Variants in POU2AF1 observed in about 807,000 individuals in gnomAD.
POU2AF1 encodes the protein POU domain class 2-associating factor 1.
In POU2AF1, 12 loss-of-function variants were observed where a neutral mutation model predicts 26.3. The ratio of observed to expected loss-of-function variants is 0.46; its 90% CI spans 0.29 to 0.74. The LOEUF (loss-of-function observed/expected upper bound fraction) is 0.74. Ranked by LOEUF, POU2AF1 falls within the 30% of genes least tolerant of loss-of-function variation. The pLI is 0.09. For synonymous variants in POU2AF1, 175 were observed against 148.0 expected, an observed-to-expected ratio of 1.18 and a Z score of -1.32; for missense variants, 297 against 334.5, an observed-to-expected ratio of 0.89 and a Z score of 0.87.
At chr11:111,359,193 T>C (rs1308599717) in intron 1 of POU2AF1, 3 of 521,150 alleles carry the variant, frequency 5.8e-6, no homozygotes, top group Non-Finnish European at 3.4e-6. Context: ...CTCACCACTT[T>C]GCACACTCCC....
Position 111,354,126 on chromosome 11 carries a change from G to A in POU2AF1, c.*135C>T. The A allele has an allele frequency of 1.1e-6, 1 of 949,654 alleles. No homozygotes were observed. The highest frequency in any genetic ancestry group is 1.6e-6 in the Non-Finnish European group (1 of 644,602). The allele number at this position is 949,654 out of a possible 1,614,324, so 58.8% of individuals were successfully genotyped here. On this transcript the variant is annotated 3_prime_UTR_variant, in exon 5 of 5. Coordinates refer to ENST00000393067, the MANE Select transcript of POU2AF1 (RefSeq NM_006235.3). ...AGGAAGAAGGGAAGGAAGGTTTACA[G>A]GTCTACAATTCTAGCTGTGCGTAGA...
chr11:111,354,846 T>C (rs1256751804), intron 4 of POU2AF1, among the ~76,000 whole-genome samples: 1 of 152,182 alleles, frequency 6.6e-6, no homozygotes, highest in African/African-American at 2.4e-5. Context: ...ATCTACGAAA[T>C]AGAATACAAA....
intron 1 of POU2AF1, among the ~76,000 whole-genome samples, chr11:111,372,047 C>CAGAG (rs1421166360): frequency 2.2e-4 from 27 of 122,602 alleles, no homozygotes; most frequent in East Asian, 6.8e-4. Context: ...CACACACACA[C>CAGAG]ACACACACAC....
intron 4 of POU2AF1, 125 bp downstream of exon 4, chr11:111,357,320 G>A (rs754647372): frequency 1.1e-5 from 15 of 1,371,532 alleles, no homozygotes; most frequent in Admixed American, 7.6e-5. Context: ...AGACCAAGGC[G>A]AGCTCTGATG....
At chr11:111,359,393 T>C (rs1265394331) in intron 1 of POU2AF1, 2 of 199,768 alleles carry the variant, frequency 1.0e-5, no homozygotes, top group East Asian at 2.9e-4. Context: ...GCCTGAGTAA[T>C]TTCCACATTC....
chr11:111,363,548 G>A, intron 1 of POU2AF1: 1 of 921,522 alleles, frequency 1.1e-6, no homozygotes, highest in Non-Finnish European at 1.3e-6. Flanking sequence ...AAAAAAGTTT[G>A]TCTAAAATCA....
chr11:111,357,386 T>C, intron 4 of POU2AF1, 59 bp downstream of exon 4: 3 of 1,602,036 alleles, frequency 1.9e-6, no homozygotes. Flanking sequence ...AAGTCAGCTC[T>C]GGTTATAAAA....
At chr11:111,358,314 ACACACGTACTCTCT>A (rs1426081035) in intron 2 of POU2AF1, among the ~76,000 whole-genome samples, 68 of 145,616 alleles carry the variant, frequency 4.7e-4, no homozygotes, top group Non-Finnish European at 7.5e-5. Context: ...ACACTCTCTC[ACACACGTACTCTCT>A]CACACACTCT....
intron 1 of POU2AF1, among the ~76,000 whole-genome samples, chr11:111,368,068 T>A (rs149149987): frequency 6.6e-6 from 1 of 152,300 alleles, no homozygotes; most frequent in Non-Finnish European, 1.5e-5. Flanking sequence ...GAGCTTACAG[T>A]CTAGTCTAGT....
chr11:111,355,699 G>A (rs1314846951), intron 4 of POU2AF1, among the ~76,000 whole-genome samples: 1 of 152,174 alleles, frequency 6.6e-6, no homozygotes, highest in Non-Finnish European at 1.5e-5. Context: ...GCCAGTCCAG[G>A]GACAAGAGTT....
intron 1 of POU2AF1, among the ~76,000 whole-genome samples, chr11:111,362,088 G>A (rs1016349205): frequency 2.0e-5 from 3 of 152,166 alleles, no homozygotes; most frequent in African/African-American, 4.8e-5. Flanking sequence ...AATCTGACGT[G>A]TCAGCGAACA....
intron 1 of POU2AF1, among the ~76,000 whole-genome samples, chr11:111,361,598 G>T (rs1196463750): frequency 1.3e-5 from 2 of 152,144 alleles, no homozygotes; most frequent in Non-Finnish European, 2.9e-5. Context: ...CTTCCTTCTG[G>T]CCATTTCCAC....
At position 111,352,864 on chromosome 11, in the gene POU2AF1, A is replaced by T. The variant is rs1355146418; in HGVS notation, c.*1397T>A. The stretch of plus-strand genomic sequence containing the variant: ...CAGGAGAATCACTTGAACTTGGGAG[A>T]CAGAGGTGCAGTGAGCCAAGATCGC... On this transcript the variant is annotated 3_prime_UTR_variant, in exon 5 of 5. Coordinates refer to ENST00000393067, the MANE Select transcript of POU2AF1 (RefSeq NM_006235.3). 3 of 174,498 alleles carry T rather than the reference A, an allele frequency of 1.7e-5. No individual in the cohort carries two copies. Among genetic ancestry groups the T allele is most frequent in the African/African-American group, 7.1e-5 (3 of 42,218 alleles). 10.8% of individuals were successfully genotyped at this position (174,498 alleles called of 1,614,324 possible).
Position 111,354,132 on chromosome 11 carries a change from C to T in POU2AF1, c.*129G>A. 1 of 1,018,020 alleles carries T rather than the reference C, an allele frequency of 9.8e-7. No individual in the cohort carries two copies. Among genetic ancestry groups the T allele is most frequent in the East Asian group, 2.7e-5 (1 of 36,812 alleles). The allele number at this position is 1,018,020 out of a possible 1,614,324, so 63.1% of individuals were successfully genotyped here. On this transcript the variant is annotated 3_prime_UTR_variant, in exon 5 of 5. Transcript: ENST00000393067. ...AAGGGAAGGAAGGTTTACAGGTCTA[C>T]AATTCTAGCTGTGCGTAGAAAGTGT...
intron 1 of POU2AF1, among the ~76,000 whole-genome samples, chr11:111,369,166 G>T (rs991241963): frequency 6.6e-6 from 1 of 152,190 alleles, no homozygotes; most frequent in Non-Finnish European, 1.5e-5. Flanking sequence ...CAGAGGGGCT[G>T]GTAAAAGACT....
rs1048523834 is a variant in POU2AF1, at chr11:111,354,109, G to A, written c.*152C>T. The A allele has an allele frequency of 3.1e-5, 24 of 763,798 alleles. No individual in the cohort carries two copies. Among genetic ancestry groups the A allele is most frequent in the South Asian group, 6.0e-5 (3 of 49,712 alleles). The allele number at this position is 763,798 out of a possible 1,614,324, so 47.3% of individuals were successfully genotyped here. A position where few individuals can be genotyped will look rare whatever the true frequency, so the allele number is the denominator to read the frequency against. On this transcript the variant is annotated 3_prime_UTR_variant, in exon 5 of 5. Coordinates refer to ENST00000393067, the MANE Select transcript of POU2AF1 (RefSeq NM_006235.3). ...GTGAGGGAGGGAGGGGAAGGAAGAA[G>A]GGAAGGAAGGTTTACAGGTCTACAA...
Position 111,357,195 on chromosome 11 carries a change from G to T in POU2AF1, c.456+250C>A, listed in dbSNP as rs182148720. 2.3e-3 allele frequency among the ~76,000 whole-genome samples: 348 copies of T among 152,240 alleles called. 1 individual carries two copies. The highest frequency in any genetic ancestry group is 7.9e-3 in the African/African-American group (327 of 41,514). ...AGGGAAGCTGGGGAGATTTAGAACA[G>T]GGAATCAGAGAAGACCTCCCCAGTC... is the stretch of plus-strand genomic sequence containing the variant. On this transcript the variant is annotated intron_variant, in intron 4 of 4. Transcript: ENST00000393067.
intron 1 of POU2AF1, chr11:111,363,056 C>T (rs769278746): frequency 2.0e-5 from 17 of 855,372 alleles, no homozygotes; most frequent in Non-Finnish European, 2.3e-5. Flanking sequence ...ACAAAGAGCG[C>T]TTGGTGGAGG....
chr11:111,360,601 C>A (rs997785615), intron 1 of POU2AF1, among the ~76,000 whole-genome samples: 2 of 152,140 alleles, frequency 1.3e-5, no homozygotes, highest in Admixed American at 1.3e-4. Context: ...AGCAAATCAA[C>A]CAGGAAATGA....
Sources: allele counts gnomAD v4.1 joint callset (sites outside exome capture counted in the v4.1 genomes callset), GRCh38; gene constraint gnomAD v4.1.1; transcripts MANE v1.5; gene names NCBI Gene and HGNC (gene_info 2026-07-23, HGNC 2026-07-21).